GABRG3: variants seen among roughly 807,000 people sequenced by gnomAD.
GABRG3 encodes gamma-aminobutyric acid type A receptor subunit gamma3.
GABRG3 carries 25 observed loss-of-function variants against 48.8 expected under a neutral mutation model. The observed-to-expected ratio is 0.51, with a 90% CI of 0.37 to 0.72. The LOEUF (loss-of-function observed/expected upper bound fraction) is 0.72. Ranked by LOEUF, GABRG3 falls within the 30% of genes least tolerant of loss-of-function variation. GABRG3 has a pLI of 0.00. For synonymous variants in GABRG3, 227 were observed against 217.6 expected (o/e 1.04, Z -0.38); for missense variants, 394 against 577.9 (o/e 0.68, Z 3.26).
At chr15:27,412,555 A>G (rs1887828525) in intron 5 of GABRG3, among the ~76,000 whole-genome samples, 1 of 152,212 alleles carries the variant, frequency 6.6e-6, no homozygotes. Flanking sequence ...ATCCATTCGC[A>G]GAACATAAAT....
intron 3 of GABRG3, among the ~76,000 whole-genome samples, chr15:27,190,378 C>T (rs1295599599): frequency 6.6e-6 from 1 of 152,104 alleles, no homozygotes; most frequent in Non-Finnish European, 1.5e-5. Context: ...GGTTGGTAAG[C>T]TATTGATTAT....
intron 3 of GABRG3, among the ~76,000 whole-genome samples, chr15:27,194,654 C>A (rs1888437073): frequency 6.6e-6 from 1 of 152,112 alleles, no homozygotes; most frequent in South Asian, 2.1e-4. Context: ...AACCTATATG[C>A]AATGTGTTAT....
chr15:27,005,651 C>G (rs1348560514), intron 2 of GABRG3, among the ~76,000 whole-genome samples: 1 of 152,110 alleles, frequency 6.6e-6, no homozygotes, highest in African/African-American at 2.4e-5. Context: ...GGGGCTTGCT[C>G]TGTCTCAAGG....
At chr15:27,283,804 A>G (rs1891517190) in intron 3 of GABRG3, among the ~76,000 whole-genome samples, 1 of 152,220 alleles carries the variant, frequency 6.6e-6, no homozygotes, top group Admixed American at 6.5e-5. Context: ...TTGGATCTCT[A>G]GCCCATCTGC....
intron 5 of GABRG3, among the ~76,000 whole-genome samples, chr15:27,459,743 C>T (rs566600312): frequency 7.2e-5 from 11 of 152,130 alleles, no homozygotes; most frequent in South Asian, 2.1e-4. Flanking sequence ...TTCATGGTTG[C>T]GCATGTGCAC....
intron 3 of GABRG3, among the ~76,000 whole-genome samples, chr15:27,042,729 G>T (rs1896299150): frequency 6.6e-6 from 1 of 152,236 alleles, no homozygotes; most frequent in Non-Finnish European, 1.5e-5. Flanking sequence ...CTATGCCCTG[G>T]GTGGTGCTGC....
intron 3 of GABRG3, among the ~76,000 whole-genome samples, chr15:27,261,419 C>G (rs751642624): frequency 6.6e-6 from 1 of 151,746 alleles, no homozygotes; most frequent in Non-Finnish European, 1.5e-5. Flanking sequence ...CCCAGTCCCC[C>G]CAGTGCCACT....
intron 3 of GABRG3, among the ~76,000 whole-genome samples, chr15:27,288,730 A>AAAAT (rs1891702522): frequency 6.6e-6 from 1 of 150,584 alleles, no homozygotes. Flanking sequence ...AAAAAAAAAA[A>AAAAT]AATAAGAGGA....
In GABRG3 at chr15:27,306,756, T is replaced by A. The variant is rs1892512365; in HGVS notation, c.271-20053T>A. On this transcript the variant is annotated intron_variant, in intron 3 of 9. Coordinates refer to ENST00000615808, the MANE Select transcript of GABRG3 (RefSeq NM_033223.5). ...ATAAACATATACAATATAAACATGTTTATATATAAACATACAATATAAACA... is the reference window on the plus strand; with the variant it reads ...ATAAACATATACAATATAAACATGTATATATATAAACATACAATATAAACA... 2.6e-5 allele frequency among the ~76,000 whole-genome samples: 3 copies of A among 117,278 alleles called. No homozygotes were observed. The Admixed American group carries it at 2.8e-4, about 11-fold the overall frequency. 76.9% of individuals were successfully genotyped at this position (117,278 alleles called of 152,430 possible). A position where few individuals can be genotyped will look rare whatever the true frequency, so the allele number is the denominator to read the frequency against.
intron 3 of GABRG3, among the ~76,000 whole-genome samples, chr15:27,035,516 T>C (rs980995507): frequency 6.6e-6 from 1 of 151,752 alleles, no homozygotes; most frequent in Non-Finnish European, 1.5e-5. Context: ...ATAATGTCCC[T>C]CTGACAAGAG....
intron 3 of GABRG3, among the ~76,000 whole-genome samples, chr15:27,102,945 A>C (rs1296644495): frequency 6.6e-6 from 1 of 152,242 alleles, no homozygotes. Context: ...CATTGATAAA[A>C]ATGATGTAGC....
chr15:27,263,547 CA>C (rs897482820), intron 3 of GABRG3, among the ~76,000 whole-genome samples: 1 of 152,010 alleles, frequency 6.6e-6, no homozygotes, highest in African/African-American at 2.4e-5. Flanking sequence ...AGATGGAACC[CA>C]AAATATTTAA....
At chr15:26,981,323 A>G (rs1306319038) in intron 2 of GABRG3, among the ~76,000 whole-genome samples, 1 of 152,228 alleles carries the variant, frequency 6.6e-6, no homozygotes, top group East Asian at 1.9e-4. Flanking sequence ...TTCCTATTAT[A>G]TGTTACGGAT....
chr15:27,155,807 C>T (rs1898408905), intron 3 of GABRG3, among the ~76,000 whole-genome samples: 1 of 152,044 alleles, frequency 6.6e-6, no homozygotes, highest in Admixed American at 6.6e-5. Context: ...GGAGAGGAAG[C>T]TCATTACTGT....
At chr15:27,077,086 CCTAT>C (rs1449813357) in intron 3 of GABRG3, among the ~76,000 whole-genome samples, 1 of 152,156 alleles carries the variant, frequency 6.6e-6, no homozygotes, top group Non-Finnish European at 1.5e-5. Context: ...TCATGCTTGA[CCTAT>C]CTGTCTTCCT....
rs1893633160 is a variant in GABRG3, at chr15:27,326,879, A to G, written c.341A>G (p.Lys114Arg). ...CGCCTTCGATTCAACAGCACAATGA[A>G]AATTCTTACTCTGAACAGCAACATG... ...DSRLRFNSTM[K>R]ILTLNSNMVG... The change falls in exon 4 of 10, where the codon AAA becomes AGA. Residue 114 changes from lysine to arginine, a missense_variant. By Grantham distance (26) the Lys-to-Arg change is conservative. Transcript: ENST00000615808. The G allele has an allele frequency of 5.6e-6, 9 of 1,614,002 alleles. No individual in the cohort carries two copies. The East Asian group carries it at 2.0e-4, about 36-fold the overall frequency.
At chr15:27,271,764 G>T (rs568954873) in intron 3 of GABRG3, 16 of 378,840 alleles carry the variant, frequency 4.2e-5, no homozygotes, top group African/African-American at 3.0e-4. Flanking sequence ...AGAGGAGAGC[G>T]GTCAGGGACG....
rs552035252 is a variant in GABRG3 at position 27,516,379 on chromosome 15, C to A, written c.713-3593C>A. ...ACAAAGAAAATTTGTACACTTACTT[C>A]CTTTGGTGTTTCCAAGCCAGATTAC... is the stretch of plus-strand genomic sequence containing the variant. On this transcript the variant is annotated intron_variant, in intron 6 of 9. Coordinates refer to ENST00000615808, the MANE Select transcript of GABRG3 (RefSeq NM_033223.5). Among the ~76,000 whole-genome samples, 13 of 152,280 alleles carry A rather than the reference C, an allele frequency of 8.5e-5. No homozygotes were observed. In the East Asian group the frequency reaches 2.3e-3, roughly 27 times the overall value.
chr15:27,074,131 C>A (rs186410968), intron 3 of GABRG3, among the ~76,000 whole-genome samples: 4 of 152,224 alleles, frequency 2.6e-5, no homozygotes, highest in Admixed American at 2.6e-4. Context: ...ACTTAATTTA[C>A]TACCAGGAGA....
Sources: gnomAD v4.1 joint callset for allele counts (sites outside exome capture counted in the v4.1 genomes callset) on GRCh38, gnomAD v4.1.1 for gene constraint, MANE v1.5 for transcripts, NCBI Gene and HGNC (gene_info 2026-07-23, HGNC 2026-07-21) for gene names.